The following HUNK variants were observed in gnomAD, a reference collection of about 807,000 sequenced individuals.
HUNK encodes the protein hormonally up-regulated neu tumor-associated kinase.
HUNK carries 21 observed loss-of-function variants against 61.0 expected under a neutral mutation model. The observed-to-expected ratio is 0.34, with a 90% confidence interval of 0.24 to 0.50. HUNK has a LOEUF of 0.50. HUNK is among the 20% of genes least tolerant of loss of function. The pLI is 0.98. For missense variants in HUNK, 772 were observed against 945.7 expected (o/e 0.82, Z 2.41); for synonymous variants, 371 against 386.1 (o/e 0.96, Z 0.46).
chr21:31,900,070 C>T (rs755226767), intron 1 of HUNK, among the ~76,000 whole-genome samples: 1 of 152,046 alleles, frequency 6.6e-6, no homozygotes, highest in Non-Finnish European at 1.5e-5. Context: ...CCACTGCTCC[C>T]AGCCTCTGGC....
chr21:31,956,892 A>G (rs2052893158), intron 4 of HUNK, among the ~76,000 whole-genome samples: 1 of 152,156 alleles, frequency 6.6e-6, no homozygotes, highest in African/African-American at 2.4e-5. Flanking sequence ...GTTTTCCACT[A>G]AACACACACA....
chr21:31,885,896 A>G (rs1272159607), intron 1 of HUNK, among the ~76,000 whole-genome samples: 1 of 151,768 alleles, frequency 6.6e-6, no homozygotes, highest in East Asian at 1.9e-4. Flanking sequence ...CACCATACCC[A>G]CCTAATTTTT....
intron 3 of HUNK, among the ~76,000 whole-genome samples, chr21:31,943,732 A>ATC (rs2052784031): frequency 6.6e-6 from 1 of 151,970 alleles, no homozygotes; most frequent in Non-Finnish European, 1.5e-5. Flanking sequence ...CTGGCCTCTT[A>ATC]TCTCTCTCTC....
At chr21:31,928,650 C>T (rs960727722) in intron 2 of HUNK, among the ~76,000 whole-genome samples, 5 of 152,096 alleles carry the variant, frequency 3.3e-5, no homozygotes, top group African/African-American at 7.2e-5. Flanking sequence ...TGTGTGTCAC[C>T]GCACACGGAC....
At chr21:31,954,876 G>C (rs1010669974) in intron 4 of HUNK, among the ~76,000 whole-genome samples, 1 of 152,016 alleles carries the variant, frequency 6.6e-6, no homozygotes, top group Non-Finnish European at 1.5e-5. Flanking sequence ...CAACCTCCTG[G>C]GCTCAAGTGA....
At chr21:31,946,341 TC>T (rs904605735) in intron 4 of HUNK, among the ~76,000 whole-genome samples, 170 bp downstream of exon 4, 2 of 152,212 alleles carry the variant, frequency 1.3e-5, no homozygotes, top group Non-Finnish European at 2.9e-5. Context: ...TCTGTTTTTT[TC>T]TGCACAAACT....
chr21:31,992,173 A>G (rs923963868), intron 9 of HUNK, among the ~76,000 whole-genome samples: 1 of 152,194 alleles, frequency 6.6e-6, no homozygotes, highest in Non-Finnish European at 1.5e-5. Context: ...TGGAACACAG[A>G]AGCCTGGGGT....
At chr21:31,947,968 T>C (rs2052821163) in intron 4 of HUNK, among the ~76,000 whole-genome samples, 1 of 152,236 alleles carries the variant, frequency 6.6e-6, no homozygotes, top group African/African-American at 2.4e-5. Context: ...AAGCTAACGC[T>C]TACTTAGTGC....
intron 8 of HUNK, among the ~76,000 whole-genome samples, chr21:31,987,604 T>C (rs879210926): frequency 1.3e-5 from 2 of 152,244 alleles, no homozygotes; most frequent in South Asian, 4.1e-4. Flanking sequence ...TAAACATTTG[T>C]TGAAATATTT....
At chr21:31,876,065 G>A (rs377607904) in intron 1 of HUNK, among the ~76,000 whole-genome samples, 15 of 152,136 alleles carry the variant, frequency 9.9e-5, no homozygotes, top group African/African-American at 3.6e-4. Flanking sequence ...GAAGAGACTC[G>A]CTGCTTCCCC....
chr21:31,998,487 G>A lies in HUNK; in HGVS notation c.1487-39G>A, dbSNP rs149788983. On this transcript the variant is annotated intron_variant, in intron 10 of 10. Coordinates refer to ENST00000270112, the MANE Select transcript of HUNK (RefSeq NM_014586.2). ...AGGAGAAGGGCCGTGAGCACTGTCC[G>A]GACGTCCTCATGATTGTTTATGCTT... 2.2e-5 allele frequency: 34 copies of A among 1,532,938 alleles called. No homozygotes were observed. In the East Asian group the frequency reaches 2.7e-4, roughly 12 times the overall value. The allele number at this position is 1,532,938 out of a possible 1,614,324, so 95.0% of individuals were successfully genotyped here.
Position 31,995,843 on chromosome 21 carries a change from C to G in HUNK, c.1381C>G (p.Leu461Val). The change falls in exon 10 of 11, where the codon CTG becomes GTG. Residue 461 changes from leucine to valine, a missense_variant. By Grantham distance (32) the Leu-to-Val change is conservative (BLOSUM62 1). This residue lies in a region of HUNK where 413 missense variants were observed against 444.4 expected (regional missense o/e 0.93). Coordinates refer to ENST00000270112, the MANE Select transcript of HUNK (RefSeq NM_014586.2). Reference protein sequence around the residue: ...RPFSKKLDKNLPSHKQPSGSL... With the variant: ...RPFSKKLDKNVPSHKQPSGSL... ...ATTCTCCAAGAAGTTGGACAAGAAC[C>G]TGCCCTCGCACAAACAGCCCTCAGG... is the stretch of plus-strand genomic sequence containing the variant. The G allele has an allele frequency of 6.2e-7, 1 of 1,614,034 alleles. No individual in the cohort carries two copies. Among genetic ancestry groups the G allele is most frequent in the Middle Eastern group, 1.7e-4 (1 of 6,060 alleles).
At chr21:31,972,364 T>C (rs1476572445) in intron 6 of HUNK, among the ~76,000 whole-genome samples, 1 of 152,142 alleles carries the variant, frequency 6.6e-6, no homozygotes, top group Non-Finnish European at 1.5e-5. Context: ...CATATACAGA[T>C]TGGTTAAGTG....
chr21:31,903,165 G>C (rs545886739), intron 1 of HUNK, among the ~76,000 whole-genome samples: 180 of 151,812 alleles, frequency 1.2e-3, no homozygotes, highest in African/African-American at 3.9e-3. Flanking sequence ...TCAGAGCATG[G>C]GGCCCAGTGG....
intron 1 of HUNK, among the ~76,000 whole-genome samples, chr21:31,920,870 G>A (rs770538225): frequency 6.6e-5 from 10 of 152,108 alleles, no homozygotes; most frequent in Admixed American, 2.0e-4. Flanking sequence ...TGAGACTCTG[G>A]GCTGGGCACG....
In HUNK at chr21:31,999,948, C is replaced by T; in HGVS notation, c.*764C>T. The T allele has an allele frequency of 2.5e-6, 1 of 392,962 alleles. No homozygotes were observed. Among genetic ancestry groups the T allele is most frequent in the East Asian group, 3.6e-5 (1 of 27,576 alleles). The allele number at this position is 392,962 out of a possible 1,614,324, so 24.3% of individuals were successfully genotyped here. A position where few individuals can be genotyped will look rare whatever the true frequency, so the allele number is the denominator to read the frequency against. ...AAAACTTGGATGGAGAGATGAGAAG[C>T]AATTCCACCAAACTCATGTTTTCAC... On this transcript the variant is annotated 3_prime_UTR_variant, in exon 11 of 11. Coordinates refer to ENST00000270112, the MANE Select transcript of HUNK (RefSeq NM_014586.2).
intron 1 of HUNK, among the ~76,000 whole-genome samples, chr21:31,920,118 G>A (rs2052613524): frequency 6.6e-6 from 1 of 152,170 alleles, no homozygotes; most frequent in African/African-American, 2.4e-5. Context: ...TCCTTGGCTT[G>A]TCGCCCCTCA....
intron 8 of HUNK, among the ~76,000 whole-genome samples, chr21:31,985,470 CTG>C (rs1180704302): frequency 6.6e-6 from 1 of 152,188 alleles, no homozygotes; most frequent in East Asian, 1.9e-4. Context: ...CTGCAGGACT[CTG>C]TGCGAATGTG....
chr21:31,997,339 A>G (rs2053212861), intron 10 of HUNK, among the ~76,000 whole-genome samples: 2 of 152,212 alleles, frequency 1.3e-5, no homozygotes, highest in Admixed American at 1.3e-4. Context: ...GTATGGATGG[A>G]TGATATTCTT....
Sources: allele counts gnomAD v4.1 joint callset (sites outside exome capture counted in the v4.1 genomes callset), GRCh38; gene constraint gnomAD v4.1.1; regional missense constraint gnomAD v4.1.1; transcripts MANE v1.5; gene names NCBI Gene and HGNC (gene_info 2026-07-23, HGNC 2026-07-21).